MKLN1: variants seen among roughly 807,000 people sequenced by gnomAD.
MKLN1 encodes the protein muskelin 1.
In MKLN1, 18 loss-of-function variants were observed where a neutral mutation model predicts 99.0. That is an observed-to-expected ratio of 0.18 (90% CI 0.13 to 0.27). MKLN1 has a LOEUF of 0.27. MKLN1 is among the 10% of genes least tolerant of loss of function. MKLN1 has a pLI of 1.00. For synonymous variants in MKLN1, 288 were observed against 293.2 expected, an observed-to-expected ratio of 0.98 and a Z score of 0.18; for missense variants, 621 against 875.9, an observed-to-expected ratio of 0.71 and a Z score of 3.67.
chr7:131,138,817 C>T (rs1386533297), intron 1 of MKLN1, among the ~76,000 whole-genome samples: 1 of 152,130 alleles, frequency 6.6e-6, no homozygotes, highest in Non-Finnish European at 1.5e-5. Context: ...CCTCTCTGTG[C>T]TATAATCAAA....
At chr7:131,229,795 C>A (rs990466004) in intron 3 of MKLN1, among the ~76,000 whole-genome samples, 1 of 152,068 alleles carries the variant, frequency 6.6e-6, no homozygotes, top group African/African-American at 2.4e-5. Flanking sequence ...CTCAAGTGAT[C>A]CTCCTGCCTC....
chr7:131,409,275 C>T (rs576937322), intron 6 of MKLN1, among the ~76,000 whole-genome samples: 1 of 152,220 alleles, frequency 6.6e-6, no homozygotes, highest in South Asian at 2.1e-4. Flanking sequence ...TATTAGCAAG[C>T]GTTTGCAAGA....
chr7:131,288,037 G>A lies in MKLN1; in HGVS notation c.-179+85063G>A, dbSNP rs368356084. On this transcript the variant is annotated intron_variant, in intron 3 of 7. Transcript: ENST00000416992. ...CCTCTTTCCTTTATAAATTGCCCAG[G>A]TTCCAGTAGTATCTTTAAATTATAG... is the stretch of plus-strand genomic sequence containing the variant. 1.4e-4 allele frequency among the ~76,000 whole-genome samples: 22 copies of A among 152,216 alleles called. No homozygotes were observed. The East Asian group carries it at 2.9e-3, about 20-fold the overall frequency.
intron 1 of MKLN1, among the ~76,000 whole-genome samples, chr7:131,348,303 T>C (rs1799622006): frequency 6.6e-6 from 1 of 152,144 alleles, no homozygotes; most frequent in Non-Finnish European, 1.5e-5. Context: ...GATATATATA[T>C]GGAAATGAGT....
chr7:131,373,607 T>G (rs1195729432), intron 1 of MKLN1, among the ~76,000 whole-genome samples: 1 of 152,190 alleles, frequency 6.6e-6, no homozygotes, highest in Non-Finnish European at 1.5e-5. Flanking sequence ...TGTTTGCCAG[T>G]ATAGATCTAA....
exon 2 of MKLN1, chr7:131,142,914 T>C (rs1319984453): frequency 7.7e-7 from 1 of 1,305,282 alleles, no homozygotes; most frequent in Admixed American, 2.3e-5. Flanking sequence ...ACCTGCTCCA[T>C]GCTTGAAAAC....
chr7:131,258,024 G>A (rs746315859), intron 3 of MKLN1, among the ~76,000 whole-genome samples: 2 of 151,764 alleles, frequency 1.3e-5, no homozygotes, highest in Non-Finnish European at 2.9e-5. Flanking sequence ...GGGAGGCTGA[G>A]GCAGCAGGAT....
chr7:131,210,997 A>G (rs1796897662), intron 3 of MKLN1, among the ~76,000 whole-genome samples: 1 of 151,678 alleles, frequency 6.6e-6, no homozygotes, highest in Admixed American at 6.6e-5. Context: ...GTGGGGCAAC[A>G]CTGTCCTGGA....
intron 2 of MKLN1, among the ~76,000 whole-genome samples, chr7:131,184,733 G>T (rs1225893355): frequency 6.6e-6 from 1 of 152,032 alleles, no homozygotes; most frequent in African/African-American, 2.4e-5. Context: ...CACCACATTG[G>T]CCAGGCTAGT....
At chr7:131,216,950 T>TGA (rs201443005) in intron 3 of MKLN1, among the ~76,000 whole-genome samples, 1,607 of 152,250 alleles carry the variant, frequency 0.011, 31 homozygotes, top group African/African-American at 0.038. Context: ...GGAGACCCCC[T>TGA]ATTGAGTGCC....
At chr7:131,428,746 T>G (rs1795433465) in intron 8 of MKLN1, among the ~76,000 whole-genome samples, 2 of 152,190 alleles carry the variant, frequency 1.3e-5, no homozygotes, top group Non-Finnish European at 2.9e-5. Flanking sequence ...CAGACCCATT[T>G]TTACCCATTG....
At chr7:131,210,309 T>C (rs937388654) in intron 3 of MKLN1, among the ~76,000 whole-genome samples, 1 of 152,060 alleles carries the variant, frequency 6.6e-6, no homozygotes, top group African/African-American at 2.4e-5. Flanking sequence ...GGAGGGTGGA[T>C]TGCCTGAGCT....
At chr7:131,263,346 T>TAATAATAATAATAATAA (rs1554544033) in intron 3 of MKLN1, among the ~76,000 whole-genome samples, 98 of 128,140 alleles carry the variant, frequency 7.6e-4, no homozygotes, top group South Asian at 2.6e-3. Flanking sequence ...TCTACAATTA[T>TAATAATAATAATAATAA]TAATAATAAT....
At chr7:131,429,228 A>G in intron 9 of MKLN1, 83 bp downstream of exon 9, 1 of 882,106 alleles carries the variant, frequency 1.1e-6, no homozygotes, top group Non-Finnish European at 1.7e-6. Flanking sequence ...TATATTCTTC[A>G]CTAATGTCTG....
At chr7:131,421,010 C>T (rs546741295) in intron 8 of MKLN1, among the ~76,000 whole-genome samples, 12 of 152,072 alleles carry the variant, frequency 7.9e-5, no homozygotes, top group Admixed American at 1.3e-4. Context: ...TGGTTATATT[C>T]GAACATATTT....
chr7:131,278,501 T>C (rs1435037406), intron 3 of MKLN1, among the ~76,000 whole-genome samples: 1 of 152,178 alleles, frequency 6.6e-6, no homozygotes, highest in Non-Finnish European at 1.5e-5. Flanking sequence ...TTTCCATTGA[T>C]AATACTTAGT....
chr7:131,256,106 A>G (rs1280517936), intron 3 of MKLN1, among the ~76,000 whole-genome samples: 1 of 145,004 alleles, frequency 6.9e-6, no homozygotes, highest in Non-Finnish European at 1.5e-5. Context: ...GCATTTCACC[A>G]TGTTGTCCAG....
intron 12 of MKLN1, among the ~76,000 whole-genome samples, chr7:131,447,630 A>G (rs1223036452): frequency 6.6e-6 from 1 of 152,228 alleles, no homozygotes; most frequent in African/African-American, 2.4e-5. Flanking sequence ...AGTAATTGAT[A>G]TGACAATATG....
At chr7:131,278,693 A>G (rs1271026235) in intron 3 of MKLN1, among the ~76,000 whole-genome samples, 4 of 152,078 alleles carry the variant, frequency 2.6e-5, no homozygotes, top group South Asian at 4.2e-4. Flanking sequence ...CCTGGCCTCA[A>G]GCAGTCCTCC....
Sources: allele counts gnomAD v4.1 joint callset (sites outside exome capture counted in the v4.1 genomes callset), GRCh38; gene constraint gnomAD v4.1.1; transcripts MANE v1.5; gene names NCBI Gene and HGNC (gene_info 2026-07-23, HGNC 2026-07-21).